The following SOX6 variants were observed in gnomAD, a reference collection of about 807,000 sequenced individuals.
SOX6 encodes the protein SRY-box transcription factor 6.
SOX6 carries 11 observed loss-of-function variants against 97.8 expected under a neutral mutation model. The observed-to-expected ratio is 0.11, with a 90% CI of 0.07 to 0.19. The LOEUF (loss-of-function observed/expected upper bound fraction) is 0.19, where lower values mean the gene tolerates loss of function less well. Ranked by LOEUF, SOX6 falls within the 10% of genes least tolerant of loss-of-function variation. SOX6 has a pLI of 1.00. For synonymous variants in SOX6, 360 were observed against 371.4 expected (o/e 0.97, Z 0.35); for missense variants, 810 against 1,039.5 (o/e 0.78, Z 3.04).
At chr11:16,079,280 A>G (rs1848423641) in intron 9 of SOX6, among the ~76,000 whole-genome samples, 1 of 152,214 alleles carries the variant, frequency 6.6e-6, no homozygotes, top group Non-Finnish European at 1.5e-5. Context: ...TGTAATGACA[A>G]GAAAAAGGTC....
intron 6 of SOX6, among the ~76,000 whole-genome samples, chr11:16,127,325 T>C (rs1197808216): frequency 2.0e-5 from 3 of 152,076 alleles, no homozygotes; most frequent in Non-Finnish European, 4.4e-5. Context: ...CAAAATCTAT[T>C]CTTCATGTAT....
chr11:16,263,272 C>G (rs1853959033), intron 3 of SOX6, among the ~76,000 whole-genome samples: 1 of 151,952 alleles, frequency 6.6e-6, no homozygotes, highest in Non-Finnish European at 1.5e-5. Context: ...TCCCAAAGAA[C>G]CCTAGAGTTC....
Position 15,988,911 on chromosome 11 carries a change from C to G in SOX6, c.1966+86G>C, listed in dbSNP as rs1564895425. 17 of 1,334,820 alleles carry G rather than the reference C, an allele frequency of 1.3e-5. No individual in the cohort carries two copies. The Admixed American group carries it at 2.9e-4, about 23-fold the overall frequency. 82.7% of individuals were successfully genotyped at this position (1,334,820 alleles called of 1,614,324 possible). On this transcript the variant is annotated intron_variant, in intron 14 of 15. Coordinates refer to ENST00000683767, the MANE Select transcript of SOX6 (RefSeq NM_001367873.1). The stretch of plus-strand genomic sequence containing the variant: ...GCCCGCCACAATCTCCCTTAGGATC[C>G]TAGTTATCCCCTTGCTTCCCACCCT...
intron 1 of SOX6, among the ~76,000 whole-genome samples, chr11:16,381,731 C>T (rs751187017): frequency 2.0e-5 from 3 of 151,942 alleles, no homozygotes; most frequent in Non-Finnish European, 2.9e-5. Context: ...TAGTCTCACA[C>T]ATCATCTTTC....
chr11:16,036,068 T>C (rs964164810), intron 12 of SOX6, among the ~76,000 whole-genome samples: 1 of 150,974 alleles, frequency 6.6e-6, no homozygotes, highest in Non-Finnish European at 1.5e-5. Flanking sequence ...CTTTTAGCTC[T>C]GATTCAACTC....
chr11:16,137,319 G>A (rs12573976), intron 6 of SOX6, among the ~76,000 whole-genome samples: 8,446 of 152,124 alleles, frequency 0.056, 613 homozygotes, highest in East Asian at 0.37. Context: ...TCAGCTACTC[G>A]GGATGCTGAG....
intron 3 of SOX6, among the ~76,000 whole-genome samples, chr11:16,668,191 G>A (rs888065124): frequency 2.6e-5 from 4 of 152,120 alleles, no homozygotes; most frequent in Non-Finnish European, 2.9e-5. Context: ...AGGCCAACAT[G>A]GGGAAACCCC....
At chr11:16,686,940 G>A (rs1421223145) in intron 3 of SOX6, among the ~76,000 whole-genome samples, 12 of 151,814 alleles carry the variant, frequency 7.9e-5, no homozygotes, top group African/African-American at 2.9e-4. Flanking sequence ...TCCAGCCTGG[G>A]TGACAGAGTG....
chr11:16,031,005 C>T (rs534979080), intron 12 of SOX6, among the ~76,000 whole-genome samples: 47 of 152,240 alleles, frequency 3.1e-4, no homozygotes, highest in African/African-American at 1.1e-3. Flanking sequence ...AATGGTCAGA[C>T]TTTGTGGCCA....
intron 1 of SOX6, among the ~76,000 whole-genome samples, 96 bp downstream of exon 1, chr11:16,355,997 TC>T (rs1007133269): frequency 1.6e-4 from 25 of 152,040 alleles, no homozygotes; most frequent in African/African-American, 6.0e-4. Flanking sequence ...CAAGCCATCA[TC>T]CCACCCAATC....
intron 4 of SOX6, among the ~76,000 whole-genome samples, chr11:16,497,211 T>A (rs1211560265): frequency 6.6e-6 from 1 of 152,192 alleles, no homozygotes; most frequent in Non-Finnish European, 1.5e-5. Context: ...AAACAGGGAC[T>A]AGAGTGGACC....
intron 13 of SOX6, among the ~76,000 whole-genome samples, chr11:16,008,783 G>T (rs1854630117): frequency 6.6e-6 from 1 of 152,050 alleles, no homozygotes; most frequent in African/African-American, 2.4e-5. Flanking sequence ...CTGGTGCACA[G>T]GATCCTCTAA....
intron 3 of SOX6, among the ~76,000 whole-genome samples, chr11:16,265,589 C>T (rs184228871): frequency 1.1e-3 from 171 of 151,658 alleles, no homozygotes; most frequent in Non-Finnish European, 2.0e-3. Flanking sequence ...AAAATATGAC[C>T]CTAATGAGGA....
chr11:15,998,733 G>GA (rs1344578099), intron 13 of SOX6, among the ~76,000 whole-genome samples: 2 of 151,856 alleles, frequency 1.3e-5, no homozygotes, highest in Middle Eastern at 3.2e-3. Flanking sequence ...AGACACATTG[G>GA]AAAAAAATCC....
intron 9 of SOX6, among the ~76,000 whole-genome samples, chr11:16,068,184 G>A (rs144491056): frequency 0.011 from 1,619 of 152,250 alleles, 9 homozygotes; most frequent in Non-Finnish European, 0.015. Flanking sequence ...CTCAAGCCTA[G>A]TTCAGTTCTC....
chr11:16,083,373 T>A (rs1848513770), intron 9 of SOX6, among the ~76,000 whole-genome samples: 1 of 152,236 alleles, frequency 6.6e-6, no homozygotes, highest in African/African-American at 2.4e-5. Context: ...AGCATAAGCT[T>A]ATATTCTAGC....
intron 4 of SOX6, among the ~76,000 whole-genome samples, chr11:16,508,382 A>G (rs530696718): frequency 1.3e-5 from 2 of 152,308 alleles, no homozygotes; most frequent in South Asian, 4.1e-4. Context: ...AAATCAGTAT[A>G]TCAAAGAGAT....
upstream of SOX6, among the ~76,000 whole-genome samples, chr11:16,477,080 G>A (rs1347717075): frequency 1.3e-5 from 2 of 152,078 alleles, no homozygotes; most frequent in African/African-American, 2.4e-5. Flanking sequence ...TGGTTTGGTA[G>A]TTTATTTTTA....
At chr11:16,411,494 A>AATACACATCTTTTAATTTCATGG (rs1462733590) in intron 1 of SOX6, among the ~76,000 whole-genome samples, 23 of 152,116 alleles carry the variant, frequency 1.5e-4, no homozygotes, top group African/African-American at 5.6e-4. Context: ...TTTTATTGAG[A>AATACACATCTTTTAATTTCATGG]ATACACATCT....
Sources: gnomAD v4.1 joint callset for allele counts (sites outside exome capture counted in the v4.1 genomes callset) on GRCh38, gnomAD v4.1.1 for gene constraint, MANE v1.5 for transcripts, NCBI Gene and HGNC (gene_info 2026-07-23, HGNC 2026-07-21) for gene names.